The following MPPED2 variants were observed in gnomAD, a reference collection of about 807,000 sequenced individuals.
MPPED2 encodes the protein metallophosphoesterase MPPED2.
MPPED2 carries 5 observed loss-of-function variants against 33.0 expected under a neutral mutation model. The ratio of observed to expected loss-of-function variants is 0.15; its 90% CI spans 0.08 to 0.32. The LOEUF is 0.32. MPPED2 is among the 10% of genes least tolerant of loss of function. The probability of loss-of-function intolerance (pLI) is 1.00; values close to 1 mark genes in which losing one functional copy is unlikely to be tolerated. For missense variants in MPPED2, 275 were observed against 372.1 expected, an observed-to-expected ratio of 0.74 and a Z score of 2.15; for synonymous variants, 136 against 141.9, an observed-to-expected ratio of 0.96 and a Z score of 0.29.
chr11:30,485,471 A>ATTTACACATGTTACACATAACAT, intron 4 of MPPED2, among the ~76,000 whole-genome samples: 1 of 151,816 alleles, frequency 6.6e-6, no homozygotes, highest in Non-Finnish European at 1.5e-5. Context: ...CATGTGTAAC[A>ATTTACACATGTTACACATAACAT]AGGTAAATAA....
At chr11:30,524,034 T>A (rs1011609442) in intron 3 of MPPED2, among the ~76,000 whole-genome samples, 2 of 152,076 alleles carry the variant, frequency 1.3e-5, no homozygotes, top group African/African-American at 2.4e-5. Context: ...GTGGATCACC[T>A]GAGGTCAGGA....
chr11:30,454,645 C>G (rs1950204776), intron 4 of MPPED2, among the ~76,000 whole-genome samples: 1 of 152,136 alleles, frequency 6.6e-6, no homozygotes, highest in South Asian at 2.1e-4. Context: ...CCTGTTCTCT[C>G]TCCTTTTTAA....
At chr11:30,385,124 C>A (rs922017586) in exon 7 of MPPED2, 1 of 152,116 alleles carries the variant, frequency 6.6e-6, no homozygotes, top group Admixed American at 6.6e-5. Context: ...AGTTTTGTAA[C>A]GTGTGTGTAA....
At chr11:30,482,528 T>A (rs1256334611) in intron 4 of MPPED2, among the ~76,000 whole-genome samples, 1 of 152,178 alleles carries the variant, frequency 6.6e-6, no homozygotes, top group Non-Finnish European at 1.5e-5. Flanking sequence ...TTTGCATGAT[T>A]TCTATTTTTG....
chr11:30,467,655 C>G (rs1950766945), intron 4 of MPPED2, among the ~76,000 whole-genome samples: 1 of 152,114 alleles, frequency 6.6e-6, no homozygotes, highest in Non-Finnish European at 1.5e-5. Flanking sequence ...TTTCCCACTC[C>G]AAGAGACAAG....
At chr11:30,525,033 T>C (rs1250968418) in intron 3 of MPPED2, among the ~76,000 whole-genome samples, 2 of 152,174 alleles carry the variant, frequency 1.3e-5, no homozygotes, top group African/African-American at 2.4e-5. Flanking sequence ...ATGAGAAATG[T>C]CATCATATCA....
At position 30,518,020 on chromosome 11, in the gene MPPED2, T is replaced by C. The variant is rs539626964; in HGVS notation, c.310+17974A>G. Among the ~76,000 whole-genome samples, 45 of 93,218 alleles carry C rather than the reference T, an allele frequency of 4.8e-4. 3 individuals are homozygous for C. The South Asian group carries it at 0.015, about 31-fold the overall frequency. 61.2% of individuals were successfully genotyped at this position (93,218 alleles called of 152,430 possible). On this transcript the variant is annotated intron_variant, in intron 3 of 6. Coordinates refer to ENST00000358117, the MANE Select transcript of MPPED2 (RefSeq NM_001584.3). The stretch of plus-strand genomic sequence containing the variant: ...TCACACTATTACTGAACTATATCCA[T>C]GACATTTTTAAAAAAACAATTCCCA...
intron 4 of MPPED2, among the ~76,000 whole-genome samples, chr11:30,418,930 G>C (rs979239668): frequency 2.0e-5 from 3 of 152,192 alleles, no homozygotes; most frequent in South Asian, 2.1e-4. Context: ...TGTGGCATAC[G>C]TGCAAACCTC....
chr11:30,412,886 C>T (rs973770341), intron 6 of MPPED2, among the ~76,000 whole-genome samples: 5 of 152,142 alleles, frequency 3.3e-5, no homozygotes, highest in East Asian at 3.9e-4. Flanking sequence ...GCATGCTGCA[C>T]GAATTCAGAC....
At chr11:30,484,692 A>G (rs1378878342) in intron 4 of MPPED2, among the ~76,000 whole-genome samples, 1 of 152,218 alleles carries the variant, frequency 6.6e-6, no homozygotes, top group African/African-American at 2.4e-5. Flanking sequence ...ATATGTCTTC[A>G]TTTAACAGAC....
chr11:30,427,687 G>A (rs887520448), intron 4 of MPPED2, among the ~76,000 whole-genome samples: 2 of 152,158 alleles, frequency 1.3e-5, no homozygotes, highest in Non-Finnish European at 2.9e-5. Flanking sequence ...TACCTTTCGT[G>A]TATCAGTATG....
chr11:30,448,317 A>G (rs1949903888), intron 4 of MPPED2, among the ~76,000 whole-genome samples: 4 of 152,194 alleles, frequency 2.6e-5, no homozygotes, highest in Admixed American at 2.6e-4. Context: ...CAAGAAATCA[A>G]CAGCTCCCTG....
intron 4 of MPPED2, among the ~76,000 whole-genome samples, chr11:30,433,064 G>A (rs1334678917): frequency 6.6e-6 from 1 of 152,196 alleles, no homozygotes; most frequent in Non-Finnish European, 1.5e-5. Flanking sequence ...GCTGGGTACA[G>A]GGACTATGAG....
intron 6 of MPPED2, among the ~76,000 whole-genome samples, chr11:30,404,771 T>TA (rs1420635540): frequency 6.6e-6 from 1 of 152,230 alleles, no homozygotes; most frequent in Non-Finnish European, 1.5e-5. Flanking sequence ...TACTGGGTCT[T>TA]ACAAATGAAG....
chr11:30,493,700 T>TG, intron 4 of MPPED2, among the ~76,000 whole-genome samples: 1 of 152,242 alleles, frequency 6.6e-6, no homozygotes, highest in South Asian at 2.1e-4. Context: ...CTAAATGACT[T>TG]GCCTAAGTTC....
intron 3 of MPPED2, among the ~76,000 whole-genome samples, chr11:30,529,699 C>T (rs915095130): frequency 2.0e-5 from 3 of 152,126 alleles, no homozygotes; most frequent in Non-Finnish European, 2.9e-5. Context: ...ACAGCCTTGG[C>T]GGTGAAGGTT....
At chr11:30,560,276 G>C (rs923003827) in intron 2 of MPPED2, among the ~76,000 whole-genome samples, 5 of 151,564 alleles carry the variant, frequency 3.3e-5, no homozygotes, top group African/African-American at 1.2e-4. Context: ...GTATTTCATA[G>C]TAGTTGCTTA....
chr11:30,558,162 T>A (rs1235184422), intron 2 of MPPED2, among the ~76,000 whole-genome samples: 3 of 152,130 alleles, frequency 2.0e-5, no homozygotes, highest in East Asian at 1.9e-4. Context: ...ATATTTTGTA[T>A]GTATTTTATT....
chr11:30,453,541 C>T (rs1355910766), intron 4 of MPPED2, among the ~76,000 whole-genome samples: 1 of 152,200 alleles, frequency 6.6e-6, no homozygotes, highest in Non-Finnish European at 1.5e-5. Flanking sequence ...ACGCCAAGCC[C>T]TACGTACCTA....
Sources: allele counts gnomAD v4.1 joint callset (sites outside exome capture counted in the v4.1 genomes callset), GRCh38; gene constraint gnomAD v4.1.1; transcripts MANE v1.5; gene names NCBI Gene and HGNC (gene_info 2026-07-23, HGNC 2026-07-21).